Variants in ABTB2 observed in about 807,000 individuals in gnomAD.
ABTB2 encodes ankyrin repeat and BTB domain containing 2.
In ABTB2, 56 loss-of-function variants were observed where a neutral mutation model predicts 104.1. That is an observed-to-expected ratio of 0.54 (90% confidence interval 0.43 to 0.67). The LOEUF (loss-of-function observed/expected upper bound fraction) is 0.67, where lower values mean the gene tolerates loss of function less well. ABTB2 is among the 30% of genes least tolerant of loss of function. ABTB2 has a pLI of 0.00. For missense variants in ABTB2, 1,279 were observed against 1,407.7 expected, an observed-to-expected ratio of 0.91 and a Z score of 1.46; for synonymous variants, 606 against 608.2, an observed-to-expected ratio of 1.00 and a Z score of 0.05.
At chr11:34,279,784 C>CT (rs1854427877) in intron 1 of ABTB2, among the ~76,000 whole-genome samples, 2 of 132,500 alleles carry the variant, frequency 1.5e-5, no homozygotes, top group African/African-American at 6.7e-5. Context: ...TTTCTTTCTT[C>CT]TTCTTTTTTT....
At chr11:34,218,379 AG>A (rs1448786105) in intron 1 of ABTB2, among the ~76,000 whole-genome samples, 1 of 152,100 alleles carries the variant, frequency 6.6e-6, no homozygotes, top group Non-Finnish European at 1.5e-5. Context: ...ATCAAACCCA[AG>A]GTCATCCTAG....
chr11:34,189,648 C>A (rs950907951), intron 3 of ABTB2, among the ~76,000 whole-genome samples: 1 of 152,130 alleles, frequency 6.6e-6, no homozygotes, highest in Non-Finnish European at 1.5e-5. Flanking sequence ...AAGTGTAGGT[C>A]CATTTCTGTT....
chr11:34,174,326 A>G (rs1852933001), intron 3 of ABTB2, among the ~76,000 whole-genome samples: 1 of 3,326 alleles, frequency 3.0e-4, no homozygotes, highest in Non-Finnish European at 1.8e-3. Context: ...CTCCGTCTCA[A>G]AAAAAAAAAA....
intron 1 of ABTB2, among the ~76,000 whole-genome samples, chr11:34,323,908 T>A (rs1325001091): frequency 1.0e-4 from 1 of 9,742 alleles, no homozygotes; most frequent in Non-Finnish European, 1.6e-4. Flanking sequence ...AATTCCCTCT[T>A]TTTTTTTTTT....
intron 1 of ABTB2, among the ~76,000 whole-genome samples, chr11:34,271,903 G>A (rs1854319048): frequency 6.6e-6 from 1 of 152,152 alleles, no homozygotes; most frequent in Non-Finnish European, 1.5e-5. Context: ...CAGAGGCTTG[G>A]ACTGGCTAAT....
intron 3 of ABTB2, among the ~76,000 whole-genome samples, chr11:34,196,522 C>A (rs1039029954): frequency 2.6e-5 from 4 of 152,172 alleles, no homozygotes; most frequent in Non-Finnish European, 5.9e-5. Flanking sequence ...CCATTGCACT[C>A]CAGCCTGGGC....
intron 1 of ABTB2, among the ~76,000 whole-genome samples, chr11:34,268,682 T>G (rs1314326645): frequency 2.0e-5 from 3 of 152,210 alleles, no homozygotes; most frequent in African/African-American, 4.8e-5. Context: ...AACTTTATTC[T>G]GCTACACTCC....
intron 1 of ABTB2, among the ~76,000 whole-genome samples, chr11:34,343,578 A>G (rs1855290481): frequency 6.6e-6 from 1 of 151,768 alleles, no homozygotes; most frequent in Non-Finnish European, 1.5e-5. Context: ...AGGGTCAGGT[A>G]GTTCTCCTGT....
chr11:34,177,559 T>A (rs1160866275), intron 3 of ABTB2, among the ~76,000 whole-genome samples: 1 of 152,122 alleles, frequency 6.6e-6, no homozygotes, highest in African/African-American at 2.4e-5. Flanking sequence ...AACTGAGGGT[T>A]TTTTTTTCCT....
intron 1 of ABTB2, among the ~76,000 whole-genome samples, chr11:34,275,928 T>C (rs919560827): frequency 6.6e-6 from 1 of 152,176 alleles, no homozygotes; most frequent in African/African-American, 2.4e-5. Context: ...GCTGTCGTCC[T>C]GGAAGTCACA....
chr11:34,154,185 C>G lies in ABTB2; in HGVS notation c.2880+80G>C. Reference sequence around the variant, plus strand: ...GTCACCTGCATCTCCTAGCTCATCCCCAGTGCAGCCACACGGCCGAGGCCC... The same window carrying G: ...GTCACCTGCATCTCCTAGCTCATCCGCAGTGCAGCCACACGGCCGAGGCCC... On this transcript the variant is annotated intron_variant, in intron 16 of 16. Coordinates refer to ENST00000435224, the MANE Select transcript of ABTB2 (RefSeq NM_145804.3). This position sits in a 1 kb window ranked among gnomAD's most constrained non-coding sequence, Gnocchi z 4.9. 9.0e-7 allele frequency: 1 copy of G among 1,112,346 alleles called. No homozygotes were observed. 68.9% of individuals were successfully genotyped at this position (1,112,346 alleles called of 1,614,324 possible).
At chr11:34,163,187 GA>G (rs1852748028) in intron 9 of ABTB2, among the ~76,000 whole-genome samples, 3 of 152,148 alleles carry the variant, frequency 2.0e-5, no homozygotes, top group African/African-American at 4.8e-5. Flanking sequence ...GGGCTTATGT[GA>G]GGCTGATGTA....
chr11:34,292,920 G>A (rs1854579099), intron 1 of ABTB2, among the ~76,000 whole-genome samples: 1 of 152,172 alleles, frequency 6.6e-6, no homozygotes, highest in South Asian at 2.1e-4. Flanking sequence ...ACTGTGGAAG[G>A]GCCTTGGATT....
chr11:34,171,258 T>A (rs1852870680), intron 4 of ABTB2, among the ~76,000 whole-genome samples, 187 bp from the exon 5 acceptor site: 1 of 152,204 alleles, frequency 6.6e-6, no homozygotes, highest in Admixed American at 6.5e-5. Context: ...CACACATTTC[T>A]GCTTTTCTAT....
intron 1 of ABTB2, among the ~76,000 whole-genome samples, chr11:34,237,380 T>A (rs1431412295): frequency 2.0e-5 from 3 of 150,704 alleles, no homozygotes; most frequent in Non-Finnish European, 4.4e-5. Flanking sequence ...CAGGTTCAAG[T>A]GATTCTCCTG....
chr11:34,345,554 G>A (rs942878554), intron 1 of ABTB2, among the ~76,000 whole-genome samples: 7 of 147,942 alleles, frequency 4.7e-5, no homozygotes, highest in Non-Finnish European at 8.9e-5. Context: ...ATCATCATTT[G>A]TCTCCTCAAA....
At chr11:34,272,349 T>G (rs1475884845) in intron 1 of ABTB2, among the ~76,000 whole-genome samples, 2 of 151,418 alleles carry the variant, frequency 1.3e-5, no homozygotes, top group African/African-American at 2.4e-5. Flanking sequence ...GTGTATTCTT[T>G]GCTCACTTTC....
At chr11:34,287,329 T>C (rs1471098031) in intron 1 of ABTB2, among the ~76,000 whole-genome samples, 1 of 152,130 alleles carries the variant, frequency 6.6e-6, no homozygotes, top group Non-Finnish European at 1.5e-5. Context: ...CCTAGCACTT[T>C]GAGAGGCCAG....
At chr11:34,245,819 GC>G (rs1853976708) in intron 1 of ABTB2, among the ~76,000 whole-genome samples, 1 of 152,196 alleles carries the variant, frequency 6.6e-6, no homozygotes, top group South Asian at 2.1e-4. Context: ...GAGGTGAAAA[GC>G]CCATCTCACC....
Sources: gnomAD v4.1 joint callset for allele counts (sites outside exome capture counted in the v4.1 genomes callset) on GRCh38, gnomAD v4.1.1 for gene constraint, Gnocchi (gnomAD v3.1) non-coding constraint, MANE v1.5 for transcripts, NCBI Gene and HGNC (gene_info 2026-07-23, HGNC 2026-07-21) for gene names.